The following NTM variants were observed in gnomAD, a reference collection of about 807,000 sequenced individuals.
The protein encoded by NTM is neurotrimin.
A neutral mutation model predicts 42.1 loss-of-function variants in NTM; 13 were observed. The ratio of observed to expected loss-of-function variants is 0.31; its 90% confidence interval spans 0.20 to 0.49. The LOEUF (loss-of-function observed/expected upper bound fraction) is 0.49, where lower values mean the gene tolerates loss of function less well. Among genes scored for constraint, NTM ranks in the 20% least tolerant of loss-of-function variants. NTM has a pLI of 0.99. For missense variants in NTM, 373 were observed against 452.8 expected, an observed-to-expected ratio of 0.82 and a Z score of 1.60; for synonymous variants, 187 against 179.2, an observed-to-expected ratio of 1.04 and a Z score of -0.35.
intron 2 of NTM, among the ~76,000 whole-genome samples, chr11:131,995,548 T>C (rs1035053699): frequency 2.0e-5 from 3 of 152,080 alleles, no homozygotes; most frequent in Non-Finnish European, 4.4e-5. Flanking sequence ...GAGCAGGGCA[T>C]GTGCCAAGAT....
chr11:131,512,045 T>G (rs932686226), intron 1 of NTM, among the ~76,000 whole-genome samples: 9 of 151,826 alleles, frequency 5.9e-5, no homozygotes, highest in African/African-American at 2.2e-4. Flanking sequence ...CAGCACAGGG[T>G]CTAGACAGGT....
intron 1 of NTM, among the ~76,000 whole-genome samples, chr11:131,385,755 G>A (rs910340350): frequency 2.0e-5 from 3 of 152,184 alleles, no homozygotes; most frequent in Admixed American, 2.0e-4. Context: ...TACTCAGGGG[G>A]CTGAAGTGAG....
At chr11:131,576,472 C>T (rs1054689414) in intron 1 of NTM, among the ~76,000 whole-genome samples, 53 of 152,262 alleles carry the variant, frequency 3.5e-4, no homozygotes, top group Non-Finnish European at 6.0e-4. Flanking sequence ...CTCGATTCTC[C>T]ACCCCCAAGA....
intron 1 of NTM, among the ~76,000 whole-genome samples, chr11:131,576,763 C>A (rs1011288786): frequency 1.3e-5 from 2 of 152,170 alleles, no homozygotes; most frequent in Non-Finnish European, 2.9e-5. Context: ...TAAATAATAA[C>A]ATAATCATTA....
intron 7 of NTM, among the ~76,000 whole-genome samples, chr11:132,327,092 C>T (rs116149556): frequency 6.6e-6 from 1 of 152,206 alleles, no homozygotes; most frequent in East Asian, 1.9e-4. Context: ...TTGCATGTCA[C>T]CTCTCCTATT....
intron 1 of NTM, among the ~76,000 whole-genome samples, chr11:131,727,760 T>G (rs2079134471): frequency 6.6e-6 from 1 of 152,190 alleles, no homozygotes; most frequent in African/African-American, 2.4e-5. Context: ...TTTTTTAGGC[T>G]AATCTGCTGT....
chr11:132,162,629 A>G (rs1321936654), intron 3 of NTM, among the ~76,000 whole-genome samples: 4 of 114,638 alleles, frequency 3.5e-5, no homozygotes, highest in African/African-American at 3.5e-5. Context: ...GAGTGTGTGT[A>G]TGTGTGTGGG....
At chr11:131,713,110 A>T (rs2077347068) in intron 1 of NTM, among the ~76,000 whole-genome samples, 1 of 152,100 alleles carries the variant, frequency 6.6e-6, no homozygotes, top group African/African-American at 2.4e-5. Flanking sequence ...TAAGGCTAGG[A>T]ATTTAGTCTC....
intron 4 of NTM, among the ~76,000 whole-genome samples, chr11:132,239,731 G>A (rs559706550): frequency 6.6e-6 from 1 of 152,298 alleles, no homozygotes; most frequent in Non-Finnish European, 1.5e-5. Flanking sequence ...CATATGAAGT[G>A]TGAGGGGTGT....
At chr11:131,485,474 G>A (rs1035346076) in intron 1 of NTM, among the ~76,000 whole-genome samples, 2 of 152,260 alleles carry the variant, frequency 1.3e-5, no homozygotes, top group South Asian at 2.1e-4. Context: ...GTGAATGTTC[G>A]AGGTGAGGTC....
At chr11:131,678,057 T>G (rs758100458) in intron 1 of NTM, among the ~76,000 whole-genome samples, 5 of 152,214 alleles carry the variant, frequency 3.3e-5, no homozygotes, top group Non-Finnish European at 5.9e-5. Context: ...ATTTACTGAC[T>G]TGATGAAGTG....
chr11:131,617,868 A>C (rs528034548), intron 1 of NTM, among the ~76,000 whole-genome samples: 1 of 152,266 alleles, frequency 6.6e-6, no homozygotes, highest in East Asian at 1.9e-4. Flanking sequence ...CTAGACCAGA[A>C]GGCAGATAGG....
intron 1 of NTM, among the ~76,000 whole-genome samples, chr11:131,630,772 G>C (rs935329786): frequency 6.6e-6 from 1 of 152,162 alleles, no homozygotes; most frequent in African/African-American, 2.4e-5. Context: ...TTAGTTATCT[G>C]TATTGCAGCT....
At chr11:131,382,679 G>A (rs773597298) in intron 1 of NTM, among the ~76,000 whole-genome samples, 3 of 152,024 alleles carry the variant, frequency 2.0e-5, no homozygotes, top group Admixed American at 6.6e-5. Flanking sequence ...TTATCTTATC[G>A]TGGCATCCTT....
At chr11:131,953,299 T>C (rs966421952) in intron 2 of NTM, among the ~76,000 whole-genome samples, 6 of 152,162 alleles carry the variant, frequency 3.9e-5, no homozygotes, top group Non-Finnish European at 4.4e-5. Context: ...TTTCACGATA[T>C]ATCTTAGGAC....
intron 1 of NTM, among the ~76,000 whole-genome samples, chr11:131,524,409 G>A (rs2050180125): frequency 6.6e-6 from 1 of 152,162 alleles, no homozygotes; most frequent in Admixed American, 6.5e-5. Context: ...GTATAGCAAG[G>A]CACCAAGCCC....
intron 1 of NTM, among the ~76,000 whole-genome samples, chr11:131,820,264 A>G (rs992952065): frequency 1.3e-5 from 2 of 151,856 alleles, no homozygotes; most frequent in African/African-American, 4.8e-5. Context: ...TATCGCCTCT[A>G]TGTCTGCTTC....
chr11:132,318,613 A>G (rs1200312850), intron 7 of NTM, among the ~76,000 whole-genome samples: 1 of 152,178 alleles, frequency 6.6e-6, no homozygotes, highest in Non-Finnish European at 1.5e-5. Context: ...ACTATGACTA[A>G]GCATCCAAGC....
At chr11:131,660,790 G>C in intron 1 of NTM, 1 of 1,124,788 alleles carries the variant, frequency 8.9e-7, no homozygotes, top group Non-Finnish European at 1.1e-6. Context: ...GAACTCCTGA[G>C]TTTCATTAAA....
Sources: allele counts gnomAD v4.1 joint callset (sites outside exome capture counted in the v4.1 genomes callset), GRCh38; gene constraint gnomAD v4.1.1; transcripts MANE v1.5; gene names NCBI Gene and HGNC (gene_info 2026-07-23, HGNC 2026-07-21).